Variants in EPB41L4A observed in about 807,000 individuals in gnomAD.
EPB41L4A encodes the protein band 4.1-like protein 4A.
Under a neutral mutation model 108.6 loss-of-function variants are expected in EPB41L4A, and 100 were observed. The ratio of observed to expected loss-of-function variants is 0.92; its 90% confidence interval spans 0.78 to 1.09. The LOEUF is 1.09. Among genes scored for constraint, EPB41L4A ranks in the 50% least tolerant of loss-of-function variants. The pLI is 0.00. For missense variants in EPB41L4A, 1,030 were observed against 842.7 expected (o/e 1.22, Z -2.75); for synonymous variants, 319 against 289.0 (o/e 1.10, Z -1.05).
intron 12 of EPB41L4A, among the ~76,000 whole-genome samples, chr5:112,226,343 T>C (rs1055033836): frequency 1.3e-5 from 2 of 152,214 alleles, no homozygotes; most frequent in Non-Finnish European, 2.9e-5. Flanking sequence ...AATTCCCTGA[T>C]CCAGAGCCAC....
intron 1 of EPB41L4A, among the ~76,000 whole-genome samples, chr5:112,333,800 A>C (rs1756743537): frequency 6.6e-6 from 1 of 152,222 alleles, no homozygotes; most frequent in African/African-American, 2.4e-5. Flanking sequence ...GAGGGATATC[A>C]CATTGAATTA....
chr5:112,362,752 C>T (rs1198306647), intron 1 of EPB41L4A, among the ~76,000 whole-genome samples: 4 of 152,154 alleles, frequency 2.6e-5, no homozygotes, highest in Admixed American at 2.6e-4. Flanking sequence ...CAATACTTTA[C>T]TGTTCTCTTA....
Position 112,240,743 on chromosome 5 carries a change from C to A in EPB41L4A, c.863G>T (p.Ser288Ile). The change falls in exon 10 of 23, where the codon AGT becomes ATT. Residue 288 changes from serine to isoleucine, a missense_variant. Transcript: ENST00000261486. ...KTACKHLWKC[S>I]VEHHTFFRMP... Reference sequence around the variant, plus strand: ...CCTAAAAAATGTATGATGTTCCACACTGCACTTCCAGAGGTGCTTGCAAGC... The same window carrying A: ...CCTAAAAAATGTATGATGTTCCACAATGCACTTCCAGAGGTGCTTGCAAGC... 1.3e-6 allele frequency: 2 copies of A among 1,580,164 alleles called. No homozygotes were observed. Among genetic ancestry groups the A allele is most frequent in the South Asian group, 2.4e-5 (2 of 83,548 alleles).
chr5:112,325,798 G>A (rs1756119056), intron 1 of EPB41L4A, among the ~76,000 whole-genome samples: 1 of 152,070 alleles, frequency 6.6e-6, no homozygotes, highest in South Asian at 2.1e-4. Flanking sequence ...TGTGAGATGG[G>A]ATAACTGAAC....
chr5:112,375,356 C>G (rs928278555), intron 1 of EPB41L4A, among the ~76,000 whole-genome samples: 8 of 143,020 alleles, frequency 5.6e-5, no homozygotes. Flanking sequence ...CACACACACA[C>G]CCCTTCCTCT....
At chr5:112,229,390 T>G (rs1042161962) in intron 12 of EPB41L4A, among the ~76,000 whole-genome samples, 2 of 152,136 alleles carry the variant, frequency 1.3e-5, no homozygotes, top group Non-Finnish European at 2.9e-5. Flanking sequence ...ATAACTCTTG[T>G]GGGGTATTTT....
intron 1 of EPB41L4A, among the ~76,000 whole-genome samples, chr5:112,318,184 T>G (rs1282426258): frequency 6.6e-6 from 1 of 152,194 alleles, no homozygotes; most frequent in Non-Finnish European, 1.5e-5. Context: ...AGCACTTGCC[T>G]TCTCTTTTTT....
chr5:112,280,173 C>T, intron 3 of EPB41L4A, 99 bp downstream of exon 3: 4 of 997,832 alleles, frequency 4.0e-6, no homozygotes, highest in Non-Finnish European at 6.4e-6. Context: ...GTATTCACTT[C>T]TTTCTCCAGT....
intron 1 of EPB41L4A, among the ~76,000 whole-genome samples, chr5:112,411,546 T>C (rs1228964193): frequency 6.6e-6 from 1 of 151,996 alleles, no homozygotes; most frequent in Non-Finnish European, 1.5e-5. Flanking sequence ...TACCTAAAAT[T>C]CTTTCCTCAA....
rs74646481 is a variant in EPB41L4A, at chr5:112,242,381, G to A, written c.796-1571C>T. 6.6e-3 allele frequency among the ~76,000 whole-genome samples: 1,013 copies of A among 152,334 alleles called. 12 individuals carry two copies. Among genetic ancestry groups the A allele is most frequent in the African/African-American group, 0.023 (954 of 41,580 alleles). ...AACCACTTTTGTTCATTCATAAGAA[G>A]CAACTCCTTATTCCTTCAAGTTTTA... On this transcript the variant is annotated intron_variant, in intron 9 of 22. Transcript: ENST00000261486.
rs774067305 is a variant in EPB41L4A at position 112,418,998 on chromosome 5, T to C, written c.42A>G (p.Glu14=). The change falls in exon 1 of 23, where the codon GAA becomes GAG. Residue 14 remains glutamate (E), a synonymous_variant. Coordinates refer to ENST00000261486, the MANE Select transcript of EPB41L4A (RefSeq NM_022140.5). The part of the protein sequence containing the change: ...FCAVPEEFYC[E]VLLLDESKLT... ...ACTTGGATTCATCCAGGAGCAAAAC[T>C]TCGCAGTAAAATTCTTCCGGAACAG... The C allele has an allele frequency of 5.0e-6, 8 of 1,613,380 alleles. No individual in the cohort carries two copies. Among genetic ancestry groups the C allele is most frequent in the Non-Finnish European group, 2.5e-6 (3 of 1,179,694 alleles).
chr5:112,401,299 C>T (rs1761734346), intron 1 of EPB41L4A, among the ~76,000 whole-genome samples: 1 of 152,180 alleles, frequency 6.6e-6, no homozygotes, highest in Non-Finnish European at 1.5e-5. Flanking sequence ...AAAGCTTGGC[C>T]ATTTATCCTA....
At chr5:112,342,890 A>G (rs939668668) in intron 1 of EPB41L4A, among the ~76,000 whole-genome samples, 5 of 152,226 alleles carry the variant, frequency 3.3e-5, no homozygotes, top group African/African-American at 1.2e-4. Context: ...TTGTCACCAT[A>G]AACAAATCCC....
At chr5:112,375,687 C>T (rs1759775036) in intron 1 of EPB41L4A, among the ~76,000 whole-genome samples, 1 of 152,138 alleles carries the variant, frequency 6.6e-6, no homozygotes, top group Non-Finnish European at 1.5e-5. Flanking sequence ...GCTGGCCCAG[C>T]CAGGACTGTG....
chr5:112,221,117 GCTA>G (rs1305321366), intron 12 of EPB41L4A, among the ~76,000 whole-genome samples: 6 of 152,126 alleles, frequency 3.9e-5, no homozygotes, highest in African/African-American at 1.2e-4. Context: ...AAGTGAGGAA[GCTA>G]CTACTTTTTC....
chr5:112,220,934 T>TAGAA (rs1561486486), intron 12 of EPB41L4A, among the ~76,000 whole-genome samples: 1 of 152,218 alleles, frequency 6.6e-6, no homozygotes, highest in Non-Finnish European at 1.5e-5. Context: ...AATATACCCT[T>TAGAA]TTGTCCTCTA....
At chr5:112,386,400 A>G (rs1310052195) in intron 1 of EPB41L4A, among the ~76,000 whole-genome samples, 4 of 152,248 alleles carry the variant, frequency 2.6e-5, no homozygotes, top group East Asian at 1.9e-4. Flanking sequence ...TGATTTCCAT[A>G]TATTTTAAAA....
chr5:112,365,052 G>A (rs776243224), intron 1 of EPB41L4A, among the ~76,000 whole-genome samples: 8 of 152,132 alleles, frequency 5.3e-5, no homozygotes, highest in Non-Finnish European at 1.0e-4. Context: ...TTTGACCGCT[G>A]TGTTTCCAAA....
chr5:112,306,317 T>A (rs967898741), intron 2 of EPB41L4A, among the ~76,000 whole-genome samples: 2 of 152,170 alleles, frequency 1.3e-5, no homozygotes, highest in African/African-American at 4.8e-5. Flanking sequence ...TTCCCCTTTT[T>A]TGCAACATGC....
Sources: allele counts gnomAD v4.1 joint callset (sites outside exome capture counted in the v4.1 genomes callset), GRCh38; gene constraint gnomAD v4.1.1; transcripts MANE v1.5; gene names NCBI Gene and HGNC (gene_info 2026-07-23, HGNC 2026-07-21).